Variants in STX18 observed in about 807,000 individuals in gnomAD.
The protein encoded by STX18 is syntaxin-18.
STX18 carries 40 observed loss-of-function variants against 50.1 expected under a neutral mutation model. The ratio of observed to expected loss-of-function variants is 0.80; its 90% confidence interval spans 0.62 to 1.04. STX18 has a LOEUF of 1.04. Among genes scored for constraint, STX18 ranks in the 50% least tolerant of loss-of-function variants. STX18 has a pLI of 0.00. For missense variants in STX18, 410 were observed against 415.8 expected, an observed-to-expected ratio of 0.99 and a Z score of 0.12; for synonymous variants, 158 against 151.8, an observed-to-expected ratio of 1.04 and a Z score of -0.30.
intron 7 of STX18, among the ~76,000 whole-genome samples, chr4:4,427,395 C>A (rs1380038088): frequency 6.6e-6 from 1 of 152,204 alleles, no homozygotes; most frequent in Non-Finnish European, 1.5e-5. Flanking sequence ...AAAACTTTCA[C>A]TTTTGAGTTT....
intron 2 of STX18, among the ~76,000 whole-genome samples, chr4:4,467,575 G>A (rs1376121317): frequency 6.6e-6 from 1 of 152,156 alleles, no homozygotes; most frequent in African/African-American, 2.4e-5. Context: ...TGATCTTCAG[G>A]TTATGCCATC....
Position 4,420,358 on chromosome 4 carries a change from C to T in STX18, c.913-229G>A, listed in dbSNP as rs1724869050. The stretch of plus-strand genomic sequence containing the variant: ...TGGGTCCTGCACAATTCTCCCTCAA[C>T]ACAACTCTCGGAATCACTCCCTTCT... On this transcript the variant is annotated intron_variant, in intron 10 of 10. Transcript: ENST00000306200. This position sits in a 1 kb window ranked among gnomAD's most constrained non-coding sequence, Gnocchi z 4.3. 1.9e-6 allele frequency: 1 copy of T among 525,476 alleles called. No individual in the cohort carries two copies. Among genetic ancestry groups the T allele is most frequent in the Non-Finnish European group, 3.4e-6 (1 of 290,828 alleles). The allele number at this position is 525,476 out of a possible 1,614,324, so 32.6% of individuals were successfully genotyped here. A position where few individuals can be genotyped will look rare whatever the true frequency, so the allele number is the denominator to read the frequency against.
intron 2 of STX18, chr4:4,461,869 A>T (rs751630104): frequency 2.2e-6 from 1 of 456,216 alleles, no homozygotes; most frequent in East Asian, 7.0e-5. Context: ...GGGTGTGCAT[A>T]TAGTCACCAC....
intron 3 of STX18, 76 bp downstream of exon 3, chr4:4,459,296 G>A (rs1014376624): frequency 2.0e-6 from 2 of 1,022,162 alleles, no homozygotes; most frequent in Admixed American, 1.9e-5. Context: ...AATTTTAACT[G>A]GCCGCACCAT....
chr4:4,486,390 CAAGA>C (rs1216218551), intron 1 of STX18, among the ~76,000 whole-genome samples: 1 of 152,064 alleles, frequency 6.6e-6, no homozygotes, highest in African/African-American at 2.4e-5. Context: ...GTAAAATAGA[CAAGA>C]AAAGAATTAC....
intron 7 of STX18, among the ~76,000 whole-genome samples, chr4:4,431,824 C>T (rs1038289874): frequency 3.3e-5 from 5 of 152,180 alleles, no homozygotes; most frequent in Non-Finnish European, 5.9e-5. Flanking sequence ...CAGCTCTCAA[C>T]ACTACCTTCA....
chr4:4,461,097 C>T lies in STX18; in HGVS notation c.237-1610G>A, dbSNP rs115116437. On this transcript the variant is annotated intron_variant, in intron 2 of 10. Transcript: ENST00000306200. The stretch of plus-strand genomic sequence containing the variant: ...AGAACATTCGATTAACATCCTCCTA[C>T]TCTATATTTTGATTTAATGGAAACT... 4.9e-3 allele frequency among the ~76,000 whole-genome samples: 753 copies of T among 152,266 alleles called. 12 individuals are homozygous for T. The highest frequency in any genetic ancestry group is 0.017 in the African/African-American group (706 of 41,536).
chr4:4,483,804 C>G (rs1011943943), intron 1 of STX18, among the ~76,000 whole-genome samples: 1 of 152,210 alleles, frequency 6.6e-6, no homozygotes, highest in Admixed American at 6.5e-5. Flanking sequence ...CTACTGTGAT[C>G]TACTCCACCT....
chr4:4,426,512 C>T (rs961432686), intron 7 of STX18: 1 of 152,190 alleles, frequency 6.6e-6, no homozygotes, highest in African/African-American at 2.4e-5. Context: ...CTTCATTCAA[C>T]AGCCTGACCT....
chr4:4,434,056 A>G (rs1242700006), intron 7 of STX18, among the ~76,000 whole-genome samples: 1 of 152,262 alleles, frequency 6.6e-6, no homozygotes, highest in South Asian at 2.1e-4. Context: ...AAACTGCTGC[A>G]CACTTAAAAT....
At chr4:4,491,867 T>C (rs1004256174) in intron 1 of STX18, among the ~76,000 whole-genome samples, 1 of 152,110 alleles carries the variant, frequency 6.6e-6, no homozygotes, top group Non-Finnish European at 1.5e-5. Context: ...AAAAGACTTC[T>C]TTTTTTAGCC....
At chr4:4,485,009 C>T (rs569597046) in intron 1 of STX18, among the ~76,000 whole-genome samples, 5 of 152,220 alleles carry the variant, frequency 3.3e-5, no homozygotes, top group African/African-American at 9.7e-5. Context: ...TCAATCCAAA[C>T]CCCATCTGGT....
chr4:4,505,399 G>C (rs1390353118), intron 1 of STX18, among the ~76,000 whole-genome samples: 1 of 152,180 alleles, frequency 6.6e-6, no homozygotes, highest in Non-Finnish European at 1.5e-5. Flanking sequence ...CCTCATAATT[G>C]CATGGCTGAC....
intron 1 of STX18, among the ~76,000 whole-genome samples, chr4:4,538,117 CACAA>C (rs1279614397): frequency 6.2e-5 from 9 of 145,450 alleles, no homozygotes; most frequent in Non-Finnish European, 1.4e-4. Flanking sequence ...AAAAAAAAAC[CACAA>C]ACAAACAAAC....
chr4:4,445,074 T>C (rs955805970), intron 5 of STX18, among the ~76,000 whole-genome samples: 2 of 152,086 alleles, frequency 1.3e-5, no homozygotes, highest in Admixed American at 6.6e-5. Context: ...TATTCACATA[T>C]GGTATGATTA....
chr4:4,473,990 T>C (rs1728053181), intron 1 of STX18, among the ~76,000 whole-genome samples: 1 of 152,092 alleles, frequency 6.6e-6, no homozygotes, highest in South Asian at 2.1e-4. Flanking sequence ...AACTCAGCGC[T>C]GAAAGTCCCT....
chr4:4,518,633 A>G (rs1730384785), intron 1 of STX18, among the ~76,000 whole-genome samples: 1 of 152,220 alleles, frequency 6.6e-6, no homozygotes, highest in Non-Finnish European at 1.5e-5. Flanking sequence ...AAAAAGATAT[A>G]CAAGCTATAA....
chr4:4,538,567 G>A (rs1295443423), intron 1 of STX18, among the ~76,000 whole-genome samples: 1 of 144,046 alleles, frequency 6.9e-6, no homozygotes, highest in African/African-American at 2.6e-5. Flanking sequence ...ACATGAGGAG[G>A]GGGGAGGTAG....
At chr4:4,446,276 T>C (rs73086236) in intron 5 of STX18, among the ~76,000 whole-genome samples, 279 of 152,044 alleles carry the variant, frequency 1.8e-3, no homozygotes, top group African/African-American at 6.5e-3. Flanking sequence ...CATAAAATAA[T>C]ATCTTAGTGA....
Sources: gnomAD v4.1 joint callset for allele counts (sites outside exome capture counted in the v4.1 genomes callset) on GRCh38, gnomAD v4.1.1 for gene constraint, Gnocchi (gnomAD v3.1) non-coding constraint, MANE v1.5 for transcripts, NCBI Gene and HGNC (gene_info 2026-07-23, HGNC 2026-07-21) for gene names.